ALPL: variants seen among roughly 807,000 people sequenced by gnomAD.
ALPL encodes the protein alkaline phosphatase, tissue-nonspecific isozyme.
ALPL carries 42 observed loss-of-function variants against 51.3 expected under a neutral mutation model. The ratio of observed to expected loss-of-function variants is 0.82; its 90% CI spans 0.64 to 1.06. The LOEUF is 1.06. ALPL is among the 50% of genes least tolerant of loss of function. ALPL has a pLI of 0.00. For missense variants in ALPL, 589 were observed against 709.4 expected (o/e 0.83, Z 1.93); for synonymous variants, 279 against 296.4 (o/e 0.94, Z 0.60).
At chr1:21,560,974 C>T (rs1433195770) in intron 3 of ALPL, 123 bp from the exon 4 acceptor site, 3 of 1,030,016 alleles carry the variant, frequency 2.9e-6, no homozygotes, top group East Asian at 2.6e-5. Context: ...ATTTACAGAG[C>T]CATGCCCAGT....
intron 1 of ALPL, among the ~76,000 whole-genome samples, chr1:21,550,178 CGGT>C (rs1156364036): frequency 6.6e-6 from 1 of 152,148 alleles, no homozygotes; most frequent in East Asian, 1.9e-4. Context: ...TGGGTCCTGA[CGGT>C]GGCGGTGGTG....
intron 1 of ALPL, among the ~76,000 whole-genome samples, chr1:21,537,155 C>CA (rs1644119421): frequency 6.6e-6 from 1 of 152,136 alleles, no homozygotes; most frequent in Admixed American, 6.5e-5. Context: ...CTCGGCCTCC[C>CA]AAAATGCTGG....
chr1:21,568,132 T>C lies in ALPL; in HGVS notation c.677T>C (p.Met226Thr), dbSNP rs752641050. The change falls in exon 7 of 12, where the codon ATG becomes ACG. Residue 226 changes from methionine to threonine, a missense_variant. Coordinates refer to ENST00000374840, the MANE Select transcript of ALPL (RefSeq NM_000478.6). The part of the protein sequence containing the change: ...DVIMGGGRKY[M>T]YPKNKTDVEY... Reference sequence around the variant, plus strand: ...ATCATGGGGGGTGGCCGGAAATACATGTACCCCAAGAATAAAACTGATGTG... The same window carrying C: ...ATCATGGGGGGTGGCCGGAAATACACGTACCCCAAGAATAAAACTGATGTG... 15 of 1,614,054 alleles carry C rather than the reference T, an allele frequency of 9.3e-6. No homozygotes were observed. Among genetic ancestry groups the C allele is most frequent in the South Asian group, 1.1e-5 (1 of 91,084 alleles).
rs903190666 is a variant in ALPL at position 21,573,188 on chromosome 1, C to G, written c.863-477C>G. 2.0e-5 allele frequency among the ~76,000 whole-genome samples: 3 copies of G among 152,314 alleles called. No homozygotes were observed. In the East Asian group the frequency reaches 5.8e-4, roughly 29 times the overall value. ...GAGGCTCACGCCTGTAATCCCAACA[C>G]TTTGGGAGGCCGAGGTGGGCGGATG... On this transcript the variant is annotated intron_variant, in intron 8 of 11. Coordinates refer to ENST00000374840, the MANE Select transcript of ALPL (RefSeq NM_000478.6).
At chr1:21,511,065 T>C (rs1477167230) in intron 1 of ALPL, among the ~76,000 whole-genome samples, 3 of 152,238 alleles carry the variant, frequency 2.0e-5, no homozygotes, top group African/African-American at 7.2e-5. Flanking sequence ...AGATGCTATC[T>C]TCATTCAGCA....
At chr1:21,530,637 G>A (rs77936121) in intron 1 of ALPL, among the ~76,000 whole-genome samples, 3,019 of 152,226 alleles carry the variant, frequency 0.02, 41 homozygotes, top group Non-Finnish European at 0.031. Flanking sequence ...GAGGAGAAGG[G>A]GCTATATGCC....
At chr1:21,552,372 G>A (rs1295544621) in intron 1 of ALPL, among the ~76,000 whole-genome samples, 23 of 150,292 alleles carry the variant, frequency 1.5e-4, no homozygotes, top group Admixed American at 4.0e-4. Context: ...CCAGCCACTC[G>A]GGAGGCTGAG....
rs943552107 is a variant in ALPL at position 21,564,466 on chromosome 1, T to C, written c.648+250T>C. 6.6e-6 allele frequency among the ~76,000 whole-genome samples: 1 copy of C among 152,208 alleles called. No individual in the cohort carries two copies. Among genetic ancestry groups the C allele is most frequent in the Non-Finnish European group, 1.5e-5 (1 of 68,038 alleles). On this transcript the variant is annotated intron_variant, in intron 6 of 11. Coordinates refer to ENST00000374840, the MANE Select transcript of ALPL (RefSeq NM_000478.6). This position sits in a 1 kb window ranked among gnomAD's most constrained non-coding sequence, Gnocchi z 5.8. Reference sequence around the variant, plus strand: ...CCAAGAACCAGGCATCCAGGGATGATTCCATAAATTGAAACCTGGTGCTGT... The same window carrying C: ...CCAAGAACCAGGCATCCAGGGATGACTCCATAAATTGAAACCTGGTGCTGT...
chr1:21,541,554 C>T (rs1172324718), intron 1 of ALPL, among the ~76,000 whole-genome samples: 1 of 152,264 alleles, frequency 6.6e-6, no homozygotes, highest in Non-Finnish European at 1.5e-5. Context: ...GGGCTGCTGC[C>T]ATCAGCAGAG....
chr1:21,562,597 C>T (rs985480306), intron 4 of ALPL, among the ~76,000 whole-genome samples: 8 of 152,116 alleles, frequency 5.3e-5, no homozygotes, highest in Admixed American at 3.3e-4. Flanking sequence ...GCTAAACATC[C>T]GGATGTAGGG....
intron 1 of ALPL, among the ~76,000 whole-genome samples, chr1:21,520,769 G>T (rs1643875922): frequency 6.6e-6 from 1 of 152,070 alleles, no homozygotes; most frequent in African/African-American, 2.4e-5. Flanking sequence ...TCTTATTCAT[G>T]AACTCACCGA....
chr1:21,547,097 T>G (rs1644262721), intron 1 of ALPL, among the ~76,000 whole-genome samples: 2 of 152,230 alleles, frequency 1.3e-5, no homozygotes, highest in African/African-American at 4.8e-5. Context: ...CGTTCCCGAC[T>G]GTTTCCATAG....
Position 21,561,191 on chromosome 1 carries a change from C to T in ALPL, c.276C>T (p.Phe92=). The T allele has an allele frequency of 6.2e-7, 1 of 1,612,204 alleles. No individual in the cohort carries two copies. Among genetic ancestry groups the T allele is most frequent in the Non-Finnish European group, 8.5e-7 (1 of 1,179,242 alleles). The change falls in exon 4 of 12, where the codon TTC becomes TTT. Residue 92 remains phenylalanine (F), a synonymous_variant. Coordinates refer to ENST00000374840, the MANE Select transcript of ALPL (RefSeq NM_000478.6). Reference sequence around the variant, plus strand: ...AGACCAGGCTGGAGATGGACAAGTTCCCCTTCGTGGCCCTCTCCAAGGTGA... The same window carrying T: ...AGACCAGGCTGGAGATGGACAAGTTTCCCTTCGTGGCCCTCTCCAAGGTGA... ...GEETRLEMDK[F]PFVALSKTYN...
At chr1:21,551,719 GTTTTTTTT>G (rs397861981) in intron 1 of ALPL, among the ~76,000 whole-genome samples, 3 of 61,440 alleles carry the variant, frequency 4.9e-5, no homozygotes, top group African/African-American at 6.2e-5. Flanking sequence ...AGCTTGCGTG[GTTTTTTTT>G]TTTTTTTTTT....
intron 1 of ALPL, among the ~76,000 whole-genome samples, chr1:21,524,514 GAA>G (rs541274166): frequency 6.6e-6 from 1 of 150,752 alleles, no homozygotes; most frequent in Non-Finnish European, 1.5e-5. Context: ...AAAAATATAA[GAA>G]AAAAAAATGA....
At chr1:21,572,709 C>G (rs1166305908) in intron 8 of ALPL, among the ~76,000 whole-genome samples, 1 of 152,034 alleles carries the variant, frequency 6.6e-6, no homozygotes, top group Non-Finnish European at 1.5e-5. Flanking sequence ...GGAAGGACAC[C>G]AGAATTGGAA....
chr1:21,518,806 C>G (rs1209760327), intron 1 of ALPL, among the ~76,000 whole-genome samples: 1 of 152,152 alleles, frequency 6.6e-6, no homozygotes, highest in African/African-American at 2.4e-5. Flanking sequence ...AGCTGCCTGA[C>G]TGCTCTGCCA....
chr1:21,548,701 A>G (rs893821675), intron 1 of ALPL, among the ~76,000 whole-genome samples: 1 of 152,084 alleles, frequency 6.6e-6, no homozygotes, highest in Admixed American at 6.5e-5. Context: ...CACATGACAT[A>G]CCCAAATAAG....
chr1:21,538,977 C>A (rs1644146581), intron 1 of ALPL, among the ~76,000 whole-genome samples: 2 of 152,322 alleles, frequency 1.3e-5, no homozygotes, highest in Admixed American at 6.5e-5. Flanking sequence ...GGTGCAGATA[C>A]AATGAAATAA....
Sources: allele counts gnomAD v4.1 joint callset (sites outside exome capture counted in the v4.1 genomes callset), GRCh38; gene constraint gnomAD v4.1.1; non-coding constraint Gnocchi (gnomAD v3.1); transcripts MANE v1.5; gene names NCBI Gene and HGNC (gene_info 2026-07-23, HGNC 2026-07-21).